ITPR1: variants seen among roughly 807,000 people sequenced by gnomAD.
The protein encoded by ITPR1 is inositol 1,4,5-trisphosphate-gated calcium channel ITPR1.
ITPR1 carries 96 observed loss-of-function variants against 318.4 expected under a neutral mutation model. The observed-to-expected ratio is 0.30, with a 90% CI of 0.26 to 0.36. The LOEUF (loss-of-function observed/expected upper bound fraction) is 0.36. Among genes scored for constraint, ITPR1 ranks in the 10% least tolerant of loss-of-function variants. The probability of loss-of-function intolerance (pLI) is 1.00; values close to 1 mark genes in which losing one functional copy is unlikely to be tolerated. For synonymous variants in ITPR1, 1,312 were observed against 1,289.9 expected (o/e 1.02, Z -0.37); for missense variants, 2,440 against 3,460.2 (o/e 0.71, Z 7.40).
intron 44 of ITPR1, among the ~76,000 whole-genome samples, chr3:4,763,213 G>A (rs750317901): frequency 1.3e-5 from 2 of 152,152 alleles, no homozygotes; most frequent in East Asian, 1.9e-4. Context: ...GGAGGCAGGA[G>A]TTGGGGGAGA....
chr3:4,530,251 C>G (rs188905695), intron 4 of ITPR1, among the ~76,000 whole-genome samples: 1 of 152,328 alleles, frequency 6.6e-6, no homozygotes, highest in East Asian at 1.9e-4. Flanking sequence ...TTGGAGCACT[C>G]AAAGGGACCA....
intron 60 of ITPR1, among the ~76,000 whole-genome samples, chr3:4,834,923 C>T (rs908714555): frequency 6.6e-6 from 1 of 152,134 alleles, no homozygotes; most frequent in Non-Finnish European, 1.5e-5. Context: ...TTTTTCTCCT[C>T]CAGCAGTCAC....
chr3:4,595,211 G>A (rs769956230), intron 4 of ITPR1, among the ~76,000 whole-genome samples: 25 of 152,192 alleles, frequency 1.6e-4, no homozygotes, highest in Non-Finnish European at 2.8e-4. Flanking sequence ...ATTAGCTCAT[G>A]GTTCTGCAGA....
chr3:4,653,988 G>A (rs1484491610), intron 12 of ITPR1, 102 bp downstream of exon 12: 31 of 800,800 alleles, frequency 3.9e-5, no homozygotes, highest in Non-Finnish European at 6.1e-5. Flanking sequence ...GGAGTGCTGG[G>A]GAAGGAGGAA....
chr3:4,596,982 A>T (rs1005480113), intron 4 of ITPR1, among the ~76,000 whole-genome samples: 2 of 152,128 alleles, frequency 1.3e-5, no homozygotes, highest in African/African-American at 4.8e-5. Flanking sequence ...AGCAAAAGAG[A>T]GTTAGGATTG....
At chr3:4,764,602 G>C (rs1049479393) in intron 44 of ITPR1, among the ~76,000 whole-genome samples, 3 of 152,236 alleles carry the variant, frequency 2.0e-5, no homozygotes, top group Non-Finnish European at 2.9e-5. Context: ...ATAAGCAATA[G>C]GCTTGGGAGC....
chr3:4,738,706 A>G (rs2043467746), intron 44 of ITPR1, among the ~76,000 whole-genome samples: 2 of 151,822 alleles, frequency 1.3e-5, no homozygotes, highest in Admixed American at 1.3e-4. Context: ...TTTTCCTTCA[A>G]GTTCTTTATC....
At chr3:4,832,169 C>T (rs1045338881) in intron 60 of ITPR1, among the ~76,000 whole-genome samples, 1 of 152,062 alleles carries the variant, frequency 6.6e-6, no homozygotes, top group Non-Finnish European at 1.5e-5. Flanking sequence ...GAATGCTTGC[C>T]AGTGGGATCC....
At chr3:4,564,867 C>T (rs920299068) in intron 4 of ITPR1, among the ~76,000 whole-genome samples, 3 of 152,084 alleles carry the variant, frequency 2.0e-5, no homozygotes, top group East Asian at 1.9e-4. Flanking sequence ...GGTTTTCCAG[C>T]GCTAGACAAA....
In ITPR1 at chr3:4,698,724, C is replaced by A. The variant is rs573463528; in HGVS notation, c.4408-1089C>A. Among the ~76,000 whole-genome samples, 3 of 152,308 alleles carry A rather than the reference C, an allele frequency of 2.0e-5. No homozygotes were observed. In the East Asian group the frequency reaches 5.8e-4, roughly 29 times the overall value. On this transcript the variant is annotated intron_variant, in intron 34 of 61. Transcript: ENST00000649015. ...ATTAATATCATTCTTGGAATATGTT[C>A]TCAGACTGTCTAGTTTTAAGGTGAG...
intron 20 of ITPR1, chr3:4,671,479 G>A (rs1005442266): frequency 6.6e-6 from 1 of 152,162 alleles, no homozygotes; most frequent in African/African-American, 2.4e-5. Flanking sequence ...CAACACCATA[G>A]GATTTATTCT....
At chr3:4,756,372 G>T (rs1266046189) in intron 44 of ITPR1, among the ~76,000 whole-genome samples, 2 of 152,122 alleles carry the variant, frequency 1.3e-5, no homozygotes, top group Non-Finnish European at 1.5e-5. Flanking sequence ...GTGAAGGTGT[G>T]TTATACAGGT....
At chr3:4,752,529 T>A (rs1159236695) in intron 44 of ITPR1, among the ~76,000 whole-genome samples, 1 of 152,222 alleles carries the variant, frequency 6.6e-6, no homozygotes, top group Admixed American at 6.5e-5. Flanking sequence ...ATATTCCCAC[T>A]TAGCAGGACT....
At chr3:4,749,297 C>T (rs1026579523) in intron 44 of ITPR1, 4 of 152,098 alleles carry the variant, frequency 2.6e-5, no homozygotes, top group South Asian at 4.1e-4. Context: ...TACCCAATTC[C>T]CTGCCTTCAT....
intron 55 of ITPR1, among the ~76,000 whole-genome samples, chr3:4,810,463 A>C (rs1291932538): frequency 1.3e-5 from 2 of 152,208 alleles, no homozygotes; most frequent in Non-Finnish European, 2.9e-5. Context: ...CAGGTTCCTT[A>C]GCAGAGGGCA....
chr3:4,661,808 A>G (rs924734721), intron 14 of ITPR1, among the ~76,000 whole-genome samples: 4 of 152,184 alleles, frequency 2.6e-5, no homozygotes, highest in Admixed American at 1.3e-4. Context: ...TTCTTTAGTT[A>G]TGAGAATTTT....
At chr3:4,613,290 T>C (rs1262262035) in intron 4 of ITPR1, among the ~76,000 whole-genome samples, 1 of 152,236 alleles carries the variant, frequency 6.6e-6, no homozygotes, top group Non-Finnish European at 1.5e-5. Flanking sequence ...ACATAAACAA[T>C]AGGGGAGAGG....
chr3:4,590,960 A>G (rs1055380595), intron 4 of ITPR1, among the ~76,000 whole-genome samples: 1 of 152,214 alleles, frequency 6.6e-6, no homozygotes, highest in Non-Finnish European at 1.5e-5. Context: ...TCCCACTTAT[A>G]AGTGAGAACA....
At chr3:4,644,514 A>T (rs2093410832) in intron 8 of ITPR1, among the ~76,000 whole-genome samples, 1 of 151,850 alleles carries the variant, frequency 6.6e-6, no homozygotes, top group Admixed American at 6.5e-5. Context: ...CCAGAGATGA[A>T]CCCTTTTACT....
Sources: gnomAD v4.1 joint callset for allele counts (sites outside exome capture counted in the v4.1 genomes callset) on GRCh38, gnomAD v4.1.1 for gene constraint, MANE v1.5 for transcripts, NCBI Gene and HGNC (gene_info 2026-07-23, HGNC 2026-07-21) for gene names.